STAG1: variants seen among roughly 807,000 people sequenced by gnomAD.
The protein encoded by STAG1 is STAG1 cohesin complex component.
Under a neutral mutation model 170.9 loss-of-function variants are expected in STAG1, and 26 were observed. The observed-to-expected ratio is 0.15, with a 90% confidence interval of 0.11 to 0.21. The LOEUF is 0.21. Among genes scored for constraint, STAG1 ranks in the 10% least tolerant of loss-of-function variants. STAG1 has a pLI of 1.00. For synonymous variants in STAG1, 514 were observed against 497.7 expected (o/e 1.03, Z -0.44); for missense variants, 964 against 1,509.5 (o/e 0.64, Z 5.99).
At chr3:136,383,064 T>C (rs974311803) in intron 22 of STAG1, among the ~76,000 whole-genome samples, 11 of 152,214 alleles carry the variant, frequency 7.2e-5, no homozygotes, top group African/African-American at 2.7e-4. Context: ...GTGGGAATTA[T>C]GATTCCCAAG....
chr3:136,700,876 CTTTTTTTTTTT>C (rs35459362), intron 1 of STAG1, among the ~76,000 whole-genome samples: 55 of 78,346 alleles, frequency 7.0e-4, no homozygotes, highest in South Asian at 1.9e-3. Flanking sequence ...TATTTTTTTT[CTTTTTTTTTTT>C]TTTTTTTTTT....
chr3:136,467,132 C>T (rs112411181), intron 12 of STAG1, among the ~76,000 whole-genome samples: 29 of 151,322 alleles, frequency 1.9e-4, no homozygotes, highest in Admixed American at 4.0e-4. Context: ...CATAACGTAA[C>T]GACAGGATCA....
chr3:136,346,762 G>A (rs1422735992), intron 29 of STAG1, among the ~76,000 whole-genome samples: 1 of 152,198 alleles, frequency 6.6e-6, no homozygotes, highest in Non-Finnish European at 1.5e-5. Flanking sequence ...CATATTCCTA[G>A]TACCTAGCAA....
chr3:136,607,355 C>T (rs1576660318), intron 3 of STAG1, among the ~76,000 whole-genome samples: 4 of 152,090 alleles, frequency 2.6e-5, no homozygotes, highest in Non-Finnish European at 5.9e-5. Flanking sequence ...TCAGTATATA[C>T]TCATCATTTA....
chr3:136,674,235 T>C (rs1339943913), intron 1 of STAG1, among the ~76,000 whole-genome samples: 1 of 144,888 alleles, frequency 6.9e-6, no homozygotes, highest in Non-Finnish European at 1.5e-5. Flanking sequence ...AGCCCAAAAT[T>C]GATAACAACC....
At chr3:136,579,729 G>C (rs1937550297) in intron 4 of STAG1, among the ~76,000 whole-genome samples, 2 of 152,006 alleles carry the variant, frequency 1.3e-5, no homozygotes, top group Non-Finnish European at 2.9e-5. Flanking sequence ...GGGTTGGAGG[G>C]GCAACTCCTA....
rs199650796 is a variant in STAG1 at position 136,624,274 on chromosome 3, G to A, written c.30-1026C>T. On this transcript the variant is annotated intron_variant, in intron 2 of 33. Coordinates refer to ENST00000383202, the MANE Select transcript of STAG1 (RefSeq NM_005862.3). ...CCACCAGGCCCGGCTAATTTTTTTT[G>A]CATTTTTAGTAGAGATGGGGTTTCA... 3.1e-4 allele frequency among the ~76,000 whole-genome samples: 47 copies of A among 151,630 alleles called. No homozygotes were observed. In the East Asian group the frequency reaches 8.3e-3, roughly 27 times the overall value.
At chr3:136,725,740 C>T (rs1933627389) in intron 1 of STAG1, among the ~76,000 whole-genome samples, 1 of 152,182 alleles carries the variant, frequency 6.6e-6, no homozygotes, top group African/African-American at 2.4e-5. Context: ...GCTGGTGTGA[C>T]CAAGTACAGA....
intron 13 of STAG1, among the ~76,000 whole-genome samples, chr3:136,463,161 A>AT (rs1459490615): frequency 6.6e-6 from 1 of 152,224 alleles, no homozygotes; most frequent in Admixed American, 6.5e-5. Context: ...AGGAAATGCA[A>AT]TATTATTTTA....
intron 4 of STAG1, among the ~76,000 whole-genome samples, chr3:136,569,756 A>G (rs116801424): frequency 1.3e-5 from 2 of 152,100 alleles, no homozygotes; most frequent in South Asian, 4.1e-4. Flanking sequence ...GAAAATATAA[A>G]TGGATTAGTA....
intron 1 of STAG1, among the ~76,000 whole-genome samples, chr3:136,724,456 A>G (rs1278717706): frequency 6.6e-6 from 1 of 151,870 alleles, no homozygotes; most frequent in East Asian, 1.9e-4. Flanking sequence ...ACCCAGGGAC[A>G]CAAACACTGA....
chr3:136,693,507 T>C (rs1486358369), intron 1 of STAG1, among the ~76,000 whole-genome samples: 1 of 152,220 alleles, frequency 6.6e-6, no homozygotes, highest in East Asian at 1.9e-4. Flanking sequence ...GCAACTTTTT[T>C]TGCAGTGGGA....
intron 5 of STAG1, among the ~76,000 whole-genome samples, chr3:136,553,153 T>C (rs1410825312): frequency 2.6e-5 from 4 of 152,110 alleles, no homozygotes; most frequent in Non-Finnish European, 5.9e-5. Flanking sequence ...GTAGTTATAA[T>C]TTACAGAAAT....
chr3:136,515,884 A>C (rs1281918442), intron 7 of STAG1, among the ~76,000 whole-genome samples: 1 of 152,220 alleles, frequency 6.6e-6, no homozygotes, highest in African/African-American at 2.4e-5. Flanking sequence ...AGTCTGTTAT[A>C]TACAAACCCT....
chr3:136,467,786 G>T (rs2089510082), intron 12 of STAG1, among the ~76,000 whole-genome samples: 1 of 152,080 alleles, frequency 6.6e-6, no homozygotes, highest in South Asian at 2.1e-4. Flanking sequence ...AAATGTAAAA[G>T]AACAGAAATT....
intron 1 of STAG1, among the ~76,000 whole-genome samples, chr3:136,697,014 T>C (rs1942914287): frequency 6.6e-6 from 1 of 152,166 alleles, no homozygotes; most frequent in African/African-American, 2.4e-5. Context: ...CGTATGTAAA[T>C]TATACTCAGG....
intron 4 of STAG1, among the ~76,000 whole-genome samples, chr3:136,587,563 C>G (rs531669263): frequency 8.0e-6 from 1 of 124,560 alleles, no homozygotes; most frequent in Non-Finnish European, 1.8e-5. Context: ...AAAAAAAAAG[C>G]AATTTATAGC....
intron 6 of STAG1, among the ~76,000 whole-genome samples, chr3:136,529,211 A>G (rs1160245954): frequency 6.6e-6 from 1 of 152,176 alleles, no homozygotes; most frequent in Non-Finnish European, 1.5e-5. Context: ...AGGCCAAGAC[A>G]GAATGAAAGC....
intron 21 of STAG1, among the ~76,000 whole-genome samples, chr3:136,413,288 C>T (rs115536938): frequency 2.7e-5 from 4 of 146,850 alleles, no homozygotes; most frequent in East Asian, 2.0e-4. Context: ...CAATATATAT[C>T]GTATACAATA....
Sources: allele counts gnomAD v4.1 joint callset (sites outside exome capture counted in the v4.1 genomes callset), GRCh38; gene constraint gnomAD v4.1.1; transcripts MANE v1.5; gene names NCBI Gene and HGNC (gene_info 2026-07-23, HGNC 2026-07-21).